DENND1B: variants seen among roughly 807,000 people sequenced by gnomAD.
The protein encoded by DENND1B is DENN domain-containing protein 1B.
DENND1B carries 59 observed loss-of-function variants against 90.1 expected under a neutral mutation model. The observed-to-expected ratio is 0.65, with a 90% CI of 0.53 to 0.81. The LOEUF (loss-of-function observed/expected upper bound fraction) is 0.81. DENND1B is among the 40% of genes least tolerant of loss of function. The pLI is 0.00. For missense variants in DENND1B, 862 were observed against 912.6 expected (o/e 0.94, Z 0.71); for synonymous variants, 337 against 324.6 (o/e 1.04, Z -0.41).
chr1:197,705,363 T>C (rs535334923), intron 3 of DENND1B, among the ~76,000 whole-genome samples: 1 of 152,232 alleles, frequency 6.6e-6, no homozygotes, highest in Admixed American at 6.5e-5. Context: ...GCTCTAACCT[T>C]CAAGAAGGCT....
intron 14 of DENND1B, among the ~76,000 whole-genome samples, chr1:197,589,908 C>G (rs1675037196): frequency 6.6e-6 from 1 of 152,114 alleles, no homozygotes; most frequent in Non-Finnish European, 1.5e-5. Context: ...GCAGGATAAT[C>G]AAGTATGTCT....
intron 20 of DENND1B, among the ~76,000 whole-genome samples, chr1:197,536,160 T>TGAGATGAGATGAGATG (rs1553278763): frequency 1.6e-5 from 2 of 126,232 alleles, no homozygotes; most frequent in African/African-American, 6.3e-5. Flanking sequence ...GAGAGAGAGA[T>TGAGATGAGATGAGATG]AGATGAGATG....
chr1:197,592,108 C>CAAAAAAAAAAAAAAAAAAAAA, intron 14 of DENND1B, among the ~76,000 whole-genome samples: 1 of 55,816 alleles, frequency 1.8e-5, no homozygotes, highest in Non-Finnish European at 3.0e-5. Flanking sequence ...GATTCCATCT[C>CAAAAAAAAAAAAAAAAAAAAA]AAAAAAAAAA....
chr1:197,629,411 G>A, intron 10 of DENND1B, among the ~76,000 whole-genome samples: 1 of 151,644 alleles, frequency 6.6e-6, no homozygotes, highest in Non-Finnish European at 1.5e-5. Flanking sequence ...ATGATTCTCA[G>A]TAAACTATCG....
At chr1:197,523,980 A>C (rs890788974) in intron 20 of DENND1B, among the ~76,000 whole-genome samples, 1 of 152,064 alleles carries the variant, frequency 6.6e-6, no homozygotes, top group Non-Finnish European at 1.5e-5. Context: ...GATAAAAAAA[A>C]CTCAAATGAT....
At chr1:197,545,754 AATGTT>A (rs1216037190) in intron 18 of DENND1B, 163 bp downstream of exon 18, 2 of 559,280 alleles carry the variant, frequency 3.6e-6, no homozygotes, top group Non-Finnish European at 6.2e-6. Flanking sequence ...CTCTGCATGC[AATGTT>A]ATAATTTTAA....
In DENND1B at chr1:197,507,255, T is replaced by C. The variant is rs1226863220; in HGVS notation, c.*3205A>G. On this transcript the variant is annotated 3_prime_UTR_variant, in exon 23 of 23. Transcript: ENST00000620048. ...TTCAGAGCAGGGACTATGTCAGTTA[T>C]TTTATTTCCCATATCCTCAGTTACT... 1 of 150,744 alleles carries C rather than the reference T, an allele frequency of 6.6e-6. No homozygotes were observed. The highest frequency in any genetic ancestry group is 1.5e-5 in the Non-Finnish European group (1 of 67,406). 9.3% of individuals were successfully genotyped at this position (150,744 alleles called of 1,614,324 possible).
At chr1:197,625,227 T>C (rs549895629) in intron 10 of DENND1B, among the ~76,000 whole-genome samples, 3 of 151,778 alleles carry the variant, frequency 2.0e-5, no homozygotes, top group Admixed American at 6.6e-5. Flanking sequence ...TTCACCAAAG[T>C]TGAAATGAAG....
At chr1:197,565,570 T>C (rs1343954872) in intron 15 of DENND1B, among the ~76,000 whole-genome samples, 4 of 151,680 alleles carry the variant, frequency 2.6e-5, no homozygotes, top group Non-Finnish European at 5.9e-5. Flanking sequence ...ACAAGTGCCA[T>C]GCTGGTGTGC....
chr1:197,563,815 C>G (rs992781827), intron 15 of DENND1B, among the ~76,000 whole-genome samples: 2 of 151,856 alleles, frequency 1.3e-5, no homozygotes, highest in African/African-American at 4.8e-5. Context: ...TCATTAAGAA[C>G]ATTCATGATT....
chr1:197,569,449 T>C (rs1672960962), intron 15 of DENND1B, among the ~76,000 whole-genome samples: 1 of 152,112 alleles, frequency 6.6e-6, no homozygotes. Context: ...ATGAAATCAG[T>C]ATGCTGAAGA....
chr1:197,709,917 G>T (rs1216709317), intron 3 of DENND1B, among the ~76,000 whole-genome samples: 1 of 107,100 alleles, frequency 9.3e-6, no homozygotes, highest in Non-Finnish European at 1.8e-5. Context: ...AAAAAAGGCA[G>T]GGGTTGCAAT....
chr1:197,550,343 G>A (rs1157075362), intron 16 of DENND1B, among the ~76,000 whole-genome samples: 1 of 152,082 alleles, frequency 6.6e-6, no homozygotes, highest in East Asian at 1.9e-4. Flanking sequence ...ATGTGGAATT[G>A]AGACTCTGGC....
At chr1:197,684,555 T>C (rs1466991904) in intron 3 of DENND1B, among the ~76,000 whole-genome samples, 1 of 152,080 alleles carries the variant, frequency 6.6e-6, no homozygotes, top group Non-Finnish European at 1.5e-5. Flanking sequence ...AATAAAGGGA[T>C]GGGGTATGAA....
chr1:197,536,618 T>A lies in DENND1B; in HGVS notation c.1515+3346A>T, dbSNP rs150197633. 1.2e-3 allele frequency among the ~76,000 whole-genome samples: 185 copies of A among 152,186 alleles called. 1 individual carries two copies. In the East Asian group the frequency reaches 0.029, roughly 24 times the overall value. On this transcript the variant is annotated intron_variant, in intron 20 of 22. Coordinates refer to ENST00000620048, the MANE Select transcript of DENND1B (RefSeq NM_001195215.2). ...AGAGGGCCCAAAATTTAGCTCTTTG[T>A]CAAATACATATGTGAATCTAAAACT... is the stretch of plus-strand genomic sequence containing the variant.
chr1:197,566,952 G>A (rs967004153), intron 15 of DENND1B, among the ~76,000 whole-genome samples: 1 of 152,002 alleles, frequency 6.6e-6, no homozygotes, highest in Admixed American at 6.6e-5. Context: ...TATTCCTAGA[G>A]GGACAGTAAA....
intron 2 of DENND1B, among the ~76,000 whole-genome samples, chr1:197,730,832 T>C (rs748270740): frequency 6.6e-6 from 1 of 152,068 alleles, no homozygotes; most frequent in Non-Finnish European, 1.5e-5. Context: ...AAAAATAAGT[T>C]AGACACAAGT....
intron 10 of DENND1B, among the ~76,000 whole-genome samples, chr1:197,621,430 A>G (rs1156741078): frequency 6.6e-6 from 1 of 151,414 alleles, no homozygotes; most frequent in Non-Finnish European, 1.5e-5. Flanking sequence ...TTTTGAGAAT[A>G]CACAAATTAA....
chr1:197,686,784 C>T (rs1657287041), intron 3 of DENND1B, among the ~76,000 whole-genome samples: 1 of 151,348 alleles, frequency 6.6e-6, no homozygotes, highest in Non-Finnish European at 1.5e-5. Context: ...CTTCACAACT[C>T]CTTCTTCATA....
Sources: gnomAD v4.1 joint callset for allele counts (sites outside exome capture counted in the v4.1 genomes callset) on GRCh38, gnomAD v4.1.1 for gene constraint, MANE v1.5 for transcripts, NCBI Gene and HGNC (gene_info 2026-07-23, HGNC 2026-07-21) for gene names.